ZNF761: variants seen among roughly 807,000 people sequenced by gnomAD.
ZNF761 encodes the protein zinc finger protein 761.
In ZNF761, 43 loss-of-function variants were observed where a neutral mutation model predicts 59.9. That is an observed-to-expected ratio of 0.72 (90% confidence interval 0.56 to 0.92). ZNF761 has a LOEUF of 0.92. ZNF761 is among the 40% of genes least tolerant of loss of function. The pLI, the probability that ZNF761 is intolerant of heterozygous loss-of-function variation, is 0.00. For missense variants in ZNF761, 850 were observed against 906.1 expected (o/e 0.94, Z 0.79); for synonymous variants, 294 against 304.8 (o/e 0.96, Z 0.37).
At chr19:53,435,109 A>G (rs1285116593) in intron 1 of ZNF761, among the ~76,000 whole-genome samples, 1 of 151,932 alleles carries the variant, frequency 6.6e-6, no homozygotes, top group East Asian at 1.9e-4. Flanking sequence ...ATACAGAGAA[A>G]TAGGCCATCG....
chr19:53,433,053 T>C (rs756203294), intron 1 of ZNF761, among the ~76,000 whole-genome samples: 32 of 31,142 alleles, frequency 1.0e-3, no homozygotes, highest in Non-Finnish European at 1.2e-3. Context: ...CAGGGGGGTA[T>C]AACAGGGAAG....
chr19:53,448,173 G>C (rs1208960642), intron 3 of ZNF761, among the ~76,000 whole-genome samples: 4 of 151,962 alleles, frequency 2.6e-5, no homozygotes, highest in African/African-American at 4.8e-5. Context: ...AGCTAATTTT[G>C]TTGTATTTTT....
At chr19:53,448,909 A>AT (rs1290378764) in intron 3 of ZNF761, among the ~76,000 whole-genome samples, 1 of 151,870 alleles carries the variant, frequency 6.6e-6, no homozygotes, top group African/African-American at 2.4e-5. Flanking sequence ...TGTAGCTGGG[A>AT]TAACAGGCAT....
intron 1 of ZNF761, among the ~76,000 whole-genome samples, chr19:53,433,023 G>C (rs2708772): frequency 1.4e-5 from 2 of 146,478 alleles, no homozygotes; most frequent in Non-Finnish European, 3.0e-5. Context: ...CTGGGGATCT[G>C]GGGTGCTAGA....
intron 1 of ZNF761, among the ~76,000 whole-genome samples, chr19:53,438,129 A>T (rs1405997613): frequency 8.4e-6 from 1 of 119,598 alleles, no homozygotes; most frequent in African/African-American, 3.1e-5. Context: ...CTGGGAGCAG[A>T]ATAGCCAGGT....
chr19:53,452,836 C>G (rs1034879959), intron 4 of ZNF761, among the ~76,000 whole-genome samples: 4 of 152,236 alleles, frequency 2.6e-5, no homozygotes, highest in African/African-American at 7.2e-5. Context: ...CTCAAAGGCC[C>G]CATCTGCAGA....
In ZNF761 at chr19:53,454,984, A is replaced by G; in HGVS notation, c.477A>G (p.Lys159=). Residue 159 remains lysine (K), a synonymous_variant, in exon 5 of 5, where the codon AAA becomes AAG. Transcript: ENST00000684525. Reference sequence around the variant, plus strand: ...TGCACATATTTCAGACCGAAGAGAAAATTGATAATCAAGTTGTGAAGTCTG... The same window carrying G: ...TGCACATATTTCAGACCGAAGAGAAGATTGATAATCAAGTTGTGAAGTCTG... The part of the protein sequence containing the change: ...PEMHIFQTEE[K]IDNQVVKSVH... 1 of 1,614,190 alleles carries G rather than the reference A, an allele frequency of 6.2e-7. No individual in the cohort carries two copies. The highest frequency in any genetic ancestry group is 1.7e-5 in the Admixed American group (1 of 60,020).
At chr19:53,438,161 G>A (rs10421835) in intron 1 of ZNF761, among the ~76,000 whole-genome samples, 78,204 of 112,416 alleles carry the variant, frequency 0.7, 28,897 homozygotes, top group Non-Finnish European at 0.76. Flanking sequence ...GTGTTCTAAA[G>A]TTGTGTAAGG....
chr19:53,437,082 C>G (rs543059709), intron 1 of ZNF761, among the ~76,000 whole-genome samples: 1 of 152,234 alleles, frequency 6.6e-6, no homozygotes, highest in Non-Finnish European at 1.5e-5. Flanking sequence ...CTTTGGGAGG[C>G]TGAGGCAGGC....
intron 1 of ZNF761, among the ~76,000 whole-genome samples, chr19:53,434,925 A>C (rs1457985292): frequency 6.6e-6 from 1 of 152,154 alleles, no homozygotes; most frequent in Admixed American, 6.5e-5. Context: ...ATGCTTATGG[A>C]ATGATTTAAA....
At chr19:53,438,582 C>G (rs926602288) in intron 1 of ZNF761, among the ~76,000 whole-genome samples, 18 of 152,066 alleles carry the variant, frequency 1.2e-4, no homozygotes, top group African/African-American at 4.4e-4. Flanking sequence ...GCTCCTTTTC[C>G]CCTCCTTTTG....
Position 53,455,881 on chromosome 19 carries a change from A to T in ZNF761, c.1374A>T (p.Arg458Ser). 6.2e-7 allele frequency: 1 copy of T among 1,613,802 alleles called. No homozygotes were observed. Among genetic ancestry groups the T allele is most frequent in the African/African-American group, 1.3e-5 (1 of 75,030 alleles). The change falls in exon 5 of 5, where the codon AGA becomes AGT. Residue 458 changes from arginine (R) to serine (S), a missense_variant. Arg to Ser is a moderately radical substitution (Grantham distance 110). Coordinates refer to ENST00000684525, the MANE Select transcript of ZNF761 (RefSeq NM_001289951.2). ...CATCATCCCTTACATGCCATCGTAG[A>T]CGTCATACTGGAGAGCAACCTTACA... The part of the protein sequence containing the change: ...SRTSSLTCHR[R>S]RHTGEQPYKC...
Position 53,449,827 on chromosome 19 carries a change from C to G in ZNF761, c.142+189C>G, listed in dbSNP as rs1290207696. 2.9e-6 allele frequency: 4 copies of G among 1,370,504 alleles called. No individual in the cohort carries two copies. In the East Asian group the frequency reaches 9.5e-5, roughly 33 times the overall value. 84.9% of individuals were successfully genotyped at this position (1,370,504 alleles called of 1,614,324 possible). ...CCTCAGCCTCCCCCGGTAGCTGGTA[C>G]AGGTGCATGCCACCATGTTTGGGCA... On this transcript the variant is annotated intron_variant, in intron 4 of 4. Transcript: ENST00000684525.
At chr19:53,435,100 T>A (rs2086024439) in intron 1 of ZNF761, among the ~76,000 whole-genome samples, 1 of 151,894 alleles carries the variant, frequency 6.6e-6, no homozygotes, top group South Asian at 2.1e-4. Flanking sequence ...AGCATCAAAA[T>A]ACAGAGAAAT....
intron 1 of ZNF761, chr19:53,443,786 GAA>G (rs1189884605): frequency 2.2e-5 from 3 of 139,068 alleles, no homozygotes; most frequent in East Asian, 4.1e-4. Flanking sequence ...GTTGGGGAAA[GAA>G]AGAGAGATCA....
chr19:53,434,364 TG>T (rs770429674), intron 1 of ZNF761, among the ~76,000 whole-genome samples: 2 of 152,196 alleles, frequency 1.3e-5, no homozygotes, highest in Non-Finnish European at 2.9e-5. Context: ...AGAAGAAAGA[TG>T]GTCTAATTGT....
intron 4 of ZNF761, among the ~76,000 whole-genome samples, chr19:53,454,361 G>A (rs1037202311): frequency 5.3e-5 from 8 of 152,122 alleles, no homozygotes; most frequent in African/African-American, 1.4e-4. Flanking sequence ...CAAACTGTTA[G>A]ACACTTTAGG....
In ZNF761 at chr19:53,456,362, T is replaced by C. The variant is rs1366843846; in HGVS notation, c.1855T>C (p.Ser619Pro). 1 of 1,613,978 alleles carries C rather than the reference T, an allele frequency of 6.2e-7. No homozygotes were observed. Among genetic ancestry groups the C allele is most frequent in the Admixed American group, 1.7e-5 (1 of 60,002 alleles). ...NECGKTFSRT[S>P]SLTCHRRLHT... ...GTGTGGCAAGACCTTCAGTCGGACG[T>C]CATCCCTTACATGCCATCGTAGACT... Residue 619 changes from serine to proline, a missense_variant, in exon 5 of 5, where the codon TCA (serine) becomes CCA (proline). Physicochemically the swap from Ser to Pro is moderately conservative, Grantham distance 74. Coordinates refer to ENST00000684525, the MANE Select transcript of ZNF761 (RefSeq NM_001289951.2).
rs1600094983 is a variant in ZNF761, at chr19:53,449,625, C to G, written c.129C>G (p.Asn43Lys). The G allele has an allele frequency of 1.2e-6, 2 of 1,608,422 alleles. No homozygotes were observed. The highest frequency in any genetic ancestry group is 1.7e-6 in the Non-Finnish European group (2 of 1,177,578). The change falls in exon 4 of 5, where the codon AAC becomes AAG. Residue 43 changes from asparagine to lysine, a missense_variant. Transcript: ENST00000684525. ...ACGTGATGCTGGAGAATTATAGGAA[C>G]CTGGTCTCCCTGGGTGAGGATAACT... The part of the protein sequence containing the change: ...YRDVMLENYR[N>K]LVSLDISSKC...
Sources: allele counts gnomAD v4.1 joint callset (sites outside exome capture counted in the v4.1 genomes callset), GRCh38; gene constraint gnomAD v4.1.1; transcripts MANE v1.5; gene names NCBI Gene and HGNC (gene_info 2026-07-23, HGNC 2026-07-21).